Variants in MYLK3 observed in about 807,000 individuals in gnomAD.
The protein encoded by MYLK3 is myosin light chain kinase 3.
MYLK3 carries 55 observed loss-of-function variants against 76.3 expected under a neutral mutation model. That is an observed-to-expected ratio of 0.72 (90% CI 0.58 to 0.90). The LOEUF (loss-of-function observed/expected upper bound fraction) is 0.90, where lower values mean the gene tolerates loss of function less well. Among genes scored for constraint, MYLK3 ranks in the 40% least tolerant of loss-of-function variants. The pLI, the probability that MYLK3 is intolerant of heterozygous loss-of-function variation, is 0.00. For missense variants in MYLK3, 973 were observed against 1,053.6 expected (o/e 0.92, Z 1.06); for synonymous variants, 416 against 425.4 (o/e 0.98, Z 0.27).
intron 6 of MYLK3, 98 bp from the exon 7 acceptor site, chr16:46,729,231 C>G (rs1966847850): frequency 1.1e-6 from 1 of 917,178 alleles, no homozygotes. Context: ...CTCATTCTTC[C>G]TTAGTTTCCT....
upstream of MYLK3, among the ~76,000 whole-genome samples, chr16:46,750,515 G>A (rs1045447395): frequency 1.2e-4 from 18 of 152,180 alleles, 1 homozygote; most frequent in Admixed American, 1.0e-3. Flanking sequence ...CCAACATGGT[G>A]AAACACCGTC....
At chr16:46,713,326 T>A (rs1382203364) in intron 9 of MYLK3, among the ~76,000 whole-genome samples, 2 of 151,706 alleles carry the variant, frequency 1.3e-5, no homozygotes, top group East Asian at 3.9e-4. Context: ...GCCTCCTGAG[T>A]ATCTGGGGCT....
intron 8 of MYLK3, chr16:46,726,656 AG>A (rs1966841063): frequency 2.5e-5 from 1 of 39,396 alleles, no homozygotes; most frequent in African/African-American, 5.6e-5. Context: ...GAAAGAAAGA[AG>A]AAAGAAAAAG....
chr16:46,737,610 G>A, intron 3 of MYLK3, 101 bp downstream of exon 3: 1 of 1,196,980 alleles, frequency 8.4e-7, no homozygotes, highest in Non-Finnish European at 1.2e-6. Flanking sequence ...CGCAAGAACA[G>A]CCCAGGAACA....
intron 1 of MYLK3, among the ~76,000 whole-genome samples, chr16:46,761,073 A>C (rs1469278090): frequency 6.6e-6 from 1 of 152,106 alleles, no homozygotes; most frequent in Non-Finnish European, 1.5e-5. Context: ...GAGGCAAAAA[A>C]ATTAGGGAGG....
chr16:46,715,612 C>T (rs1966728622), intron 9 of MYLK3, among the ~76,000 whole-genome samples: 1 of 152,108 alleles, frequency 6.6e-6, no homozygotes, highest in Admixed American at 6.6e-5. Flanking sequence ...AGTCAGGGGA[C>T]TCCCAAAATG....
intron 1 of MYLK3, among the ~76,000 whole-genome samples, chr16:46,756,261 T>C (rs983881602): frequency 1.3e-5 from 2 of 152,214 alleles, no homozygotes; most frequent in African/African-American, 4.8e-5. Context: ...TGATTTTGCA[T>C]TGAAGAATAT....
At chr16:46,738,631 G>A (rs1227709606) in intron 2 of MYLK3, among the ~76,000 whole-genome samples, 1 of 152,266 alleles carries the variant, frequency 6.6e-6, no homozygotes. Context: ...AAGCAAGGTG[G>A]AGAATGGTGT....
At chr16:46,710,130 G>A (rs1966667951) in intron 11 of MYLK3, among the ~76,000 whole-genome samples, 1 of 152,136 alleles carries the variant, frequency 6.6e-6, no homozygotes, top group African/African-American at 2.4e-5. Context: ...TAAAAGTCAG[G>A]GAAATACAAG....
In MYLK3 at chr16:46,727,257, G is replaced by A; in HGVS notation, c.1893C>T (p.Tyr631=). ...CEGVHYLHQH[Y]ILHLDLKPEN... is the part of the protein sequence containing the mutation. ...CCACCTTGAGGTCCAGGTGCAGGAT[G>A]TAGTGCTGGTGCAGGTAATGCACAC... The change falls in exon 8 of 13, where the codon TAC becomes TAT. Residue 631 remains tyrosine (Y), a synonymous_variant. Transcript: ENST00000394809. 1.2e-6 allele frequency: 2 copies of A among 1,614,038 alleles called. No individual in the cohort carries two copies. The highest frequency in any genetic ancestry group is 1.7e-4 in the Middle Eastern group (1 of 6,058).
intron 11 of MYLK3, among the ~76,000 whole-genome samples, chr16:46,710,400 A>G (rs141112597): frequency 6.6e-6 from 1 of 152,358 alleles, no homozygotes; most frequent in African/African-American, 2.4e-5. Flanking sequence ...GATAGGACCA[A>G]TCTACATATG....
At chr16:46,725,229 C>T (rs899963065) in intron 8 of MYLK3, among the ~76,000 whole-genome samples, 42 of 152,280 alleles carry the variant, frequency 2.8e-4, no homozygotes, top group African/African-American at 9.9e-4. Context: ...GTGTCATTTG[C>T]AAATAGAGAC....
chr16:46,716,435 A>G (rs1966739101), intron 9 of MYLK3, among the ~76,000 whole-genome samples: 1 of 151,664 alleles, frequency 6.6e-6, no homozygotes, highest in African/African-American at 2.4e-5. Flanking sequence ...TAGCCCGCAT[A>G]TATGTATGTA....
Position 46,729,089 on chromosome 16 carries a change from G to C in MYLK3, c.1707C>G (p.His569Gln). The change falls in exon 7 of 13, where the codon CAC becomes CAG. Residue 569 changes from histidine (H) to glutamine (Q), a missense_variant. Physicochemically the swap from His to Gln is conservative, Grantham distance 24 (BLOSUM62 0). Coordinates refer to ENST00000394809, the MANE Select transcript of MYLK3 (RefSeq NM_182493.3). ...CGTCATAGAGCTGGATCAGGTTCAC[G>C]TGGCTGAGCTGGTTCATGATGTTGA... is the stretch of plus-strand genomic sequence containing the variant. ...NEINIMNQLS[H>Q]VNLIQLYDAF... is the part of the protein sequence containing the mutation. 1 of 1,614,166 alleles carries C rather than the reference G, an allele frequency of 6.2e-7. No homozygotes were observed.
chr16:46,751,066 T>C (rs1223270017), upstream of MYLK3, among the ~76,000 whole-genome samples: 1 of 151,870 alleles, frequency 6.6e-6, no homozygotes. Context: ...AAAGTCTAAA[T>C]GAATCCAGAG....
rs1397046538 is a variant in MYLK3 at position 46,739,964 on chromosome 16, C to T, written c.568+93G>A. On this transcript the variant is annotated intron_variant, in intron 2 of 12. Coordinates refer to ENST00000394809, the MANE Select transcript of MYLK3 (RefSeq NM_182493.3). ...GAAAAAAAGAAGCTTTGACAGTTGC[C>T]CAGGAATCATACTGTGGGCCGTGTT... The T allele has an allele frequency of 1.9e-5, 17 of 881,128 alleles. No individual in the cohort carries two copies. In the South Asian group the frequency reaches 3.0e-4, roughly 16 times the overall value. The allele number at this position is 881,128 out of a possible 1,614,324, so 54.6% of individuals were successfully genotyped here. A position where few individuals can be genotyped will look rare whatever the true frequency, so the allele number is the denominator to read the frequency against.
intron 9 of MYLK3, among the ~76,000 whole-genome samples, chr16:46,718,938 A>G (rs1434756999): frequency 6.6e-6 from 1 of 151,864 alleles, no homozygotes; most frequent in Non-Finnish European, 1.5e-5. Context: ...CTCTGTCTGA[A>G]AAAAAAAGAG....
chr16:46,721,506 T>G (rs1458772328), intron 8 of MYLK3, among the ~76,000 whole-genome samples: 1 of 152,116 alleles, frequency 6.6e-6, no homozygotes, highest in Non-Finnish European at 1.5e-5. Context: ...AGCCGGGAAT[T>G]CAGGGGTGTT....
At chr16:46,755,773 T>G (rs894314742) in intron 1 of MYLK3, among the ~76,000 whole-genome samples, 1 of 152,040 alleles carries the variant, frequency 6.6e-6, no homozygotes, top group African/African-American at 2.4e-5. Context: ...GGAGGTGCCA[T>G]GAGAATGCCT....
Sources: gnomAD v4.1 joint callset for allele counts (sites outside exome capture counted in the v4.1 genomes callset) on GRCh38, gnomAD v4.1.1 for gene constraint, MANE v1.5 for transcripts, NCBI Gene and HGNC (gene_info 2026-07-23, HGNC 2026-07-21) for gene names.